IGF2BP2: variants seen among roughly 807,000 people sequenced by gnomAD.
The protein encoded by IGF2BP2 is insulin like growth factor 2 mRNA binding protein 2, also known as insulin-like growth factor 2 mRNA-binding protein 2.
Under a neutral mutation model 75.8 loss-of-function variants are expected in IGF2BP2, and 17 were observed. That is an observed-to-expected ratio of 0.22 (90% confidence interval 0.15 to 0.34). IGF2BP2 has a LOEUF of 0.34. IGF2BP2 is among the 10% of genes least tolerant of loss of function. The pLI is 1.00. For missense variants in IGF2BP2, 516 were observed against 772.4 expected (o/e 0.67, Z 3.93); for synonymous variants, 288 against 295.6 (o/e 0.97, Z 0.26).
At chr3:185,657,498 G>GCGGGGCCTTCCCACCA in intron 11 of IGF2BP2, 96 bp from the exon 12 acceptor site, 1 of 921,348 alleles carries the variant, frequency 1.1e-6, no homozygotes. Context: ...GAACCCCATG[G>GCGGGGCCTTCCCACCA]TGGGAAGGCC....
intron 2 of IGF2BP2, among the ~76,000 whole-genome samples, chr3:185,774,399 T>C (rs1181297660): frequency 6.6e-6 from 1 of 151,178 alleles, no homozygotes; most frequent in Non-Finnish European, 1.5e-5. Context: ...ATAGAGACCA[T>C]CTTGACTAAC....
intron 2 of IGF2BP2, among the ~76,000 whole-genome samples, chr3:185,789,157 G>A (rs1160359433): frequency 2.0e-5 from 3 of 152,148 alleles, no homozygotes; most frequent in Admixed American, 6.5e-5. Context: ...AACAAAGACT[G>A]TAAAAGATTT....
intron 10 of IGF2BP2, among the ~76,000 whole-genome samples, chr3:185,666,103 G>A (rs540744833): frequency 3.9e-5 from 6 of 152,238 alleles, no homozygotes; most frequent in Admixed American, 6.5e-5. Context: ...ATTCATTCAC[G>A]TGTGAAGGAA....
intron 2 of IGF2BP2, among the ~76,000 whole-genome samples, chr3:185,706,108 C>T (rs746939557): frequency 6.6e-6 from 1 of 152,222 alleles, no homozygotes; most frequent in Non-Finnish European, 1.5e-5. Context: ...GTGGCTCACA[C>T]TTGTAATCCC....
intron 2 of IGF2BP2, among the ~76,000 whole-genome samples, chr3:185,808,731 T>TTTC (rs1413461362): frequency 1.3e-5 from 2 of 151,386 alleles, no homozygotes; most frequent in African/African-American, 4.9e-5. Flanking sequence ...GGCTATTTTT[T>TTTC]TTTTTTTTAT....
chr3:185,816,795 C>A (rs1443328007), intron 2 of IGF2BP2, among the ~76,000 whole-genome samples: 1 of 152,052 alleles, frequency 6.6e-6, no homozygotes, highest in Admixed American at 6.5e-5. Flanking sequence ...TATTAAGATG[C>A]AGGCAAAAAA....
At chr3:185,729,993 AT>A (rs1312847279) in intron 2 of IGF2BP2, among the ~76,000 whole-genome samples, 7 of 152,260 alleles carry the variant, frequency 4.6e-5, no homozygotes, top group Non-Finnish European at 7.4e-5. Context: ...TTTGGTTTTC[AT>A]GTCTCCAGGG....
intron 2 of IGF2BP2, among the ~76,000 whole-genome samples, chr3:185,742,408 A>T (rs1729683299): frequency 6.6e-6 from 1 of 152,140 alleles, no homozygotes. Context: ...AGGTAGGAGA[A>T]CTGCTTGAAT....
chr3:185,810,932 G>A (rs1739731704), intron 2 of IGF2BP2, among the ~76,000 whole-genome samples: 1 of 152,234 alleles, frequency 6.6e-6, no homozygotes, highest in East Asian at 1.9e-4. Flanking sequence ...TTTAATTGGA[G>A]AGGGTATAAT....
chr3:185,768,827 G>C (rs182968730), intron 2 of IGF2BP2, among the ~76,000 whole-genome samples: 8 of 152,316 alleles, frequency 5.3e-5, no homozygotes, highest in African/African-American at 1.9e-4. Context: ...AGGTCAGGGA[G>C]ACTAGCCTGA....
intron 10 of IGF2BP2, among the ~76,000 whole-genome samples, chr3:185,659,154 G>A (rs1257669780): frequency 6.6e-6 from 1 of 152,080 alleles, no homozygotes. Context: ...AGGAATTTGA[G>A]GCTGCAGTGA....
chr3:185,813,787 T>TC (rs1268495373), intron 2 of IGF2BP2, among the ~76,000 whole-genome samples: 1 of 151,964 alleles, frequency 6.6e-6, no homozygotes, highest in Admixed American at 6.6e-5. Context: ...CTCCCCAGCT[T>TC]CCCCAACCCT....
At chr3:185,753,387 C>T (rs1731202566) in intron 2 of IGF2BP2, among the ~76,000 whole-genome samples, 2 of 152,110 alleles carry the variant, frequency 1.3e-5, no homozygotes, top group South Asian at 4.1e-4. Flanking sequence ...CTTGGGAGAA[C>T]CAACGTTACA....
chr3:185,815,467 G>A (rs183579384), intron 2 of IGF2BP2, among the ~76,000 whole-genome samples: 2 of 152,290 alleles, frequency 1.3e-5, no homozygotes, highest in Middle Eastern at 3.4e-3. Context: ...TGAAGTTCTG[G>A]TCAGGAGCAA....
At position 185,649,463 on chromosome 3, in the gene IGF2BP2, T is replaced by C. The variant is rs1714189291; in HGVS notation, c.1533A>G (p.Glu511=). The change falls in exon 14 of 16, where the codon GAA becomes GAG. Residue 511 remains glutamate, a synonymous_variant. Coordinates refer to ENST00000382199, the MANE Select transcript of IGF2BP2 (RefSeq NM_006548.6). Reference sequence around the variant, plus strand: ...TGGAAGAGGGCACTCTGATATGCGCTTCCAGCTTCACTTCTTCTTTGGGGT... The same window carrying C: ...TGGAAGAGGGCACTCTGATATGCGCCTCCAGCTTCACTTCTTCTTTGGGGT... ...FFNPKEEVKL[E]AHIRVPSSTA... The C allele has an allele frequency of 1.9e-6, 3 of 1,614,014 alleles. No homozygotes were observed. Among genetic ancestry groups the C allele is most frequent in the Non-Finnish European group, 1.7e-6 (2 of 1,180,026 alleles).
intron 2 of IGF2BP2, among the ~76,000 whole-genome samples, chr3:185,792,715 G>A (rs1178917424): frequency 2.7e-5 from 4 of 149,466 alleles, no homozygotes; most frequent in South Asian, 4.2e-4. Flanking sequence ...ACAGTGAGCC[G>A]AGATCATGCC....
At chr3:185,704,159 T>C (rs1465117238) in intron 2 of IGF2BP2, among the ~76,000 whole-genome samples, 4 of 152,230 alleles carry the variant, frequency 2.6e-5, no homozygotes, top group African/African-American at 9.6e-5. Context: ...ATAAAAGGGA[T>C]TTCCTCATGT....
intron 14 of IGF2BP2, among the ~76,000 whole-genome samples, chr3:185,648,255 G>A (rs894532660): frequency 2.0e-5 from 3 of 152,066 alleles, no homozygotes; most frequent in Admixed American, 6.5e-5. Flanking sequence ...TCGGGAGTTC[G>A]AGACCAGCCT....
In IGF2BP2 at chr3:185,645,505, T is replaced by C. The variant is rs1287962450; in HGVS notation, c.*26A>G. On this transcript the variant is annotated 3_prime_UTR_variant, in exon 16 of 16. Transcript: ENST00000382199. This position sits in a 1 kb window ranked among gnomAD's most constrained non-coding sequence, Gnocchi z 4.9. ...GTGTTGGAAGGGCTACATTCATCCGTTGTTTTGCTGGTGCCTGTGGGAGCC... is the reference window on the plus strand; with the variant it reads ...GTGTTGGAAGGGCTACATTCATCCGCTGTTTTGCTGGTGCCTGTGGGAGCC... 3 of 1,525,682 alleles carry C rather than the reference T, an allele frequency of 2.0e-6. No homozygotes were observed. The highest frequency in any genetic ancestry group is 2.7e-6 in the Non-Finnish European group (3 of 1,099,656). 94.5% of individuals were successfully genotyped at this position (1,525,682 alleles called of 1,614,324 possible). A position where few individuals can be genotyped will look rare whatever the true frequency, so the allele number is the denominator to read the frequency against.
Sources: allele counts gnomAD v4.1 joint callset (sites outside exome capture counted in the v4.1 genomes callset), GRCh38; gene constraint gnomAD v4.1.1; non-coding constraint Gnocchi (gnomAD v3.1); transcripts MANE v1.5; gene names NCBI Gene and HGNC (gene_info 2026-07-23, HGNC 2026-07-21).